The following CTNNA2 variants were observed in gnomAD, a reference collection of about 807,000 sequenced individuals.
The protein encoded by CTNNA2 is catenin alpha-2.
Under a neutral mutation model 101.0 loss-of-function variants are expected in CTNNA2, and 42 were observed. The observed-to-expected ratio is 0.42, with a 90% CI of 0.32 to 0.54. The LOEUF is 0.54. CTNNA2 is among the 20% of genes least tolerant of loss of function. The pLI is 0.14. For missense variants in CTNNA2, 871 were observed against 1,223.1 expected (o/e 0.71, Z 4.29); for synonymous variants, 450 against 456.4 (o/e 0.99, Z 0.18).
At chr2:79,940,550 G>C (rs1688086699) in intron 7 of CTNNA2, among the ~76,000 whole-genome samples, 1 of 152,194 alleles carries the variant, frequency 6.6e-6, no homozygotes, top group African/African-American at 2.4e-5. Context: ...GCAGGCAGCA[G>C]ATGAAGGTTG....
chr2:80,618,870 C>A, intron 17 of CTNNA2: 1 of 360,852 alleles, frequency 2.8e-6, no homozygotes, highest in Non-Finnish European at 5.0e-6. Flanking sequence ...TTTATCTGTT[C>A]AAGAGCCAAT....
chr2:79,229,470 G>C (rs1028698744), intron 2 of CTNNA2, among the ~76,000 whole-genome samples: 2 of 152,126 alleles, frequency 1.3e-5, no homozygotes, highest in Non-Finnish European at 2.9e-5. Context: ...TATAAGAAGT[G>C]CCCTCCACCA....
intron 2 of CTNNA2, among the ~76,000 whole-genome samples, chr2:79,725,195 C>A (rs1686751050): frequency 6.6e-6 from 1 of 152,124 alleles, no homozygotes; most frequent in African/African-American, 2.4e-5. Context: ...AACAGAACAT[C>A]TCTGTCTAAA....
intron 9 of CTNNA2, among the ~76,000 whole-genome samples, chr2:80,429,586 G>A (rs1681303838): frequency 6.6e-6 from 1 of 152,160 alleles, no homozygotes; most frequent in South Asian, 2.1e-4. Flanking sequence ...GCTGATGTTG[G>A]CGTAATTGTA....
chr2:79,590,386 C>T (rs1358335023), intron 1 of CTNNA2, among the ~76,000 whole-genome samples: 2 of 152,064 alleles, frequency 1.3e-5, no homozygotes, highest in East Asian at 3.9e-4. Context: ...TGATGAAAAT[C>T]TCTTGCAGTT....
intron 4 of CTNNA2, among the ~76,000 whole-genome samples, chr2:79,495,686 G>A (rs1323944190): frequency 6.6e-6 from 1 of 151,942 alleles, no homozygotes; most frequent in Non-Finnish European, 1.5e-5. Context: ...ATAATTAATT[G>A]CCTAAAGTGG....
intron 7 of CTNNA2, among the ~76,000 whole-genome samples, chr2:79,916,989 C>T (rs1179558684): frequency 6.6e-6 from 1 of 151,958 alleles, no homozygotes; most frequent in Non-Finnish European, 1.5e-5. Context: ...CTCTATTGCC[C>T]AGGCTAGAGA....
At chr2:79,742,761 GC>G (rs1671379910) in intron 2 of CTNNA2, among the ~76,000 whole-genome samples, 1 of 151,994 alleles carries the variant, frequency 6.6e-6, no homozygotes, top group South Asian at 2.1e-4. Context: ...TAATGATTTT[GC>G]CATTTTTTTG....
chr2:80,248,669 C>A (rs1671530412), intron 7 of CTNNA2, among the ~76,000 whole-genome samples: 1 of 152,098 alleles, frequency 6.6e-6, no homozygotes, highest in Admixed American at 6.6e-5. Context: ...GAGGCCTTAA[C>A]CCAGGAGAGG....
intron 7 of CTNNA2, among the ~76,000 whole-genome samples, chr2:80,205,336 A>G (rs568263815): frequency 3.9e-5 from 6 of 152,312 alleles, no homozygotes; most frequent in Middle Eastern, 6.8e-3. Context: ...CTCTTTGAAA[A>G]CCAACAGATC....
chr2:79,924,162 G>C (rs1200019377), intron 7 of CTNNA2, among the ~76,000 whole-genome samples: 1 of 151,982 alleles, frequency 6.6e-6, no homozygotes, highest in East Asian at 1.9e-4. Context: ...TGTCATTTTT[G>C]GCAATGGGGA....
chr2:79,817,132 C>T (rs976459067), intron 3 of CTNNA2, among the ~76,000 whole-genome samples: 1 of 151,798 alleles, frequency 6.6e-6, no homozygotes, highest in Non-Finnish European at 1.5e-5. Flanking sequence ...GTGTGCTGCA[C>T]CCATTAACTC....
chr2:80,269,223 TAA>T, intron 7 of CTNNA2, among the ~76,000 whole-genome samples: 1 of 152,244 alleles, frequency 6.6e-6, no homozygotes, highest in African/African-American at 2.4e-5. Context: ...TTGTGGGAGG[TAA>T]TTGCATCACA....
At chr2:79,209,660 C>T (rs555211920) in intron 2 of CTNNA2, among the ~76,000 whole-genome samples, 7 of 120,074 alleles carry the variant, frequency 5.8e-5, no homozygotes, top group Admixed American at 1.8e-4. Flanking sequence ...TGTAGTTAAC[C>T]AGACGCACCA....
intron 9 of CTNNA2, among the ~76,000 whole-genome samples, chr2:80,437,348 T>C (rs1165261496): frequency 6.6e-6 from 1 of 152,208 alleles, no homozygotes; most frequent in Admixed American, 6.5e-5. Context: ...GGGGGAGGCT[T>C]GAATTCTAGA....
intron 2 of CTNNA2, among the ~76,000 whole-genome samples, chr2:79,277,215 G>T (rs570328502): frequency 1.3e-5 from 2 of 152,066 alleles, no homozygotes; most frequent in Admixed American, 1.3e-4. Context: ...GATGTCAAGC[G>T]GCTTAAAGGA....
At chr2:80,311,334 C>T (rs1677562168) in intron 7 of CTNNA2, among the ~76,000 whole-genome samples, 1 of 152,212 alleles carries the variant, frequency 6.6e-6, no homozygotes, top group Non-Finnish European at 1.5e-5. Context: ...TGCTTTGCTG[C>T]TTTCTCTTTG....
intron 12 of CTNNA2, among the ~76,000 whole-genome samples, chr2:80,563,843 T>C (rs1265543372): frequency 2.0e-5 from 3 of 152,220 alleles, no homozygotes; most frequent in Non-Finnish European, 4.4e-5. Context: ...CTGCCAAGTA[T>C]TTCATACTCC....
rs144550505 is a variant in CTNNA2 at position 79,856,790 on chromosome 2, T to A, written c.299-1223T>A. On this transcript the variant is annotated intron_variant, in intron 3 of 18. Coordinates refer to ENST00000402739, the MANE Select transcript of CTNNA2 (RefSeq NM_001282597.3). ...CACATCTAGTCAGCCCTTAGATCGGTTGGTTGTGTCACACAGATGCATTTT... is the reference window on the plus strand; with the variant it reads ...CACATCTAGTCAGCCCTTAGATCGGATGGTTGTGTCACACAGATGCATTTT... Among the ~76,000 whole-genome samples, 1,470 of 152,214 alleles carry A rather than the reference T, an allele frequency of 9.7e-3. 32 individuals carry two copies. Among genetic ancestry groups the A allele is most frequent in the African/African-American group, 0.033 (1,388 of 41,514 alleles).
Sources: allele counts gnomAD v4.1 joint callset (sites outside exome capture counted in the v4.1 genomes callset), GRCh38; gene constraint gnomAD v4.1.1; transcripts MANE v1.5; gene names NCBI Gene and HGNC (gene_info 2026-07-23, HGNC 2026-07-21).